The following MYT1 variants were observed in gnomAD, a reference collection of about 807,000 sequenced individuals.
MYT1 encodes myelin transcription factor 1.
MYT1 carries 23 observed loss-of-function variants against 123.0 expected under a neutral mutation model. That is an observed-to-expected ratio of 0.19 (90% CI 0.13 to 0.26). The LOEUF (loss-of-function observed/expected upper bound fraction) is 0.26, where lower values mean the gene tolerates loss of function less well. Ranked by LOEUF, MYT1 falls within the 10% of genes least tolerant of loss-of-function variation. The pLI is 1.00. For missense variants in MYT1, 1,125 were observed against 1,472.5 expected (o/e 0.76, Z 3.86); for synonymous variants, 518 against 575.3 (o/e 0.90, Z 1.43).
At chr20:64,183,138 A>G (rs890416313) in intron 1 of MYT1, among the ~76,000 whole-genome samples, 1 of 152,120 alleles carries the variant, frequency 6.6e-6, no homozygotes, top group Admixed American at 6.5e-5. Flanking sequence ...GAATTGTTCA[A>G]TATGTGGTCT....
rs1435925104 is a variant in MYT1, at chr20:64,196,518, C to T, written c.1-2344C>T. ...TGCTGATTTCAAATAGCTCAGAAAC[C>T]AGTGTCCCAAGTCACCCAGCTCTTA... is the stretch of plus-strand genomic sequence containing the variant. On this transcript the variant is annotated intron_variant, in intron 2 of 22. Transcript: ENST00000328439. This position sits in a 1 kb window ranked among gnomAD's most constrained non-coding sequence, Gnocchi z 4.3. Among the ~76,000 whole-genome samples, 1 of 152,252 alleles carries T rather than the reference C, an allele frequency of 6.6e-6. No homozygotes were observed. Among genetic ancestry groups the T allele is most frequent in the Non-Finnish European group, 1.5e-5 (1 of 68,044 alleles).
intron 21 of MYT1, among the ~76,000 whole-genome samples, chr20:64,238,710 C>G (rs1453792994): frequency 2.0e-5 from 3 of 151,816 alleles, no homozygotes; most frequent in Non-Finnish European, 4.4e-5. Context: ...GCTCCCTGCT[C>G]CTCCCCTTCT....
rs1984067266 is a variant in MYT1 at position 64,223,294 on chromosome 20, C to T, written c.2463C>T (p.Leu821=). 2.5e-6 allele frequency: 4 copies of T among 1,614,216 alleles called. No homozygotes were observed. The highest frequency in any genetic ancestry group is 1.1e-5 in the South Asian group (1 of 91,088). Residue 821 remains leucine (L), a synonymous_variant, in exon 16 of 23, where the codon CTC becomes CTT. Transcript: ENST00000328439. ...ITGNYASHRS[L]SGCPLADKSL... Reference sequence around the variant, plus strand: ...TATCCCATCTCTTCTCTTTCAGCCTCTCTGGTTGCCCTCTTGCTGACAAGA... The same window carrying T: ...TATCCCATCTCTTCTCTTTCAGCCTTTCTGGTTGCCCTCTTGCTGACAAGA...
chr20:64,240,513 C>T lies in MYT1; in HGVS notation c.*65C>T. On this transcript the variant is annotated 3_prime_UTR_variant, in exon 23 of 23. Coordinates refer to ENST00000328439, the MANE Select transcript of MYT1 (RefSeq NM_004535.3). ...TTTACCTCCCTCGCCCTGCCCCGCA[C>T]CGTGGGGATGCCCAACTCACAGTGA... 6.5e-7 allele frequency: 1 copy of T among 1,527,910 alleles called. No homozygotes were observed. Among genetic ancestry groups the T allele is most frequent in the Non-Finnish European group, 8.8e-7 (1 of 1,138,436 alleles). The allele number at this position is 1,527,910 out of a possible 1,614,324, so 94.6% of individuals were successfully genotyped here.
At chr20:64,210,698 C>G (rs1601714949) in intron 7 of MYT1, among the ~76,000 whole-genome samples, 1 of 152,346 alleles carries the variant, frequency 6.6e-6, no homozygotes, top group Non-Finnish European at 1.5e-5. Flanking sequence ...AGTGACCGGC[C>G]TGGACCTGCA....
At chr20:64,172,480 C>T (rs1180532382) in intron 1 of MYT1, among the ~76,000 whole-genome samples, 1 of 152,208 alleles carries the variant, frequency 6.6e-6, no homozygotes, top group East Asian at 1.9e-4. Flanking sequence ...GTGAGATGCC[C>T]CTCCTAGTGG....
In MYT1 at chr20:64,207,817, C is replaced by T. The variant is rs746653173; in HGVS notation, c.621C>T (p.Ser207=). Residue 207 remains serine, a synonymous_variant, in exon 7 of 23, where the codon AGC becomes AGT. Transcript: ENST00000328439. ...LLQEAAEGAA[S]EEGEKGLFIQ... Reference sequence around the variant, plus strand: ...AGGAGGCTGCAGAGGGAGCTGCCAGCGAGGAGGGTGAAAAGGGCCTCTTCA... The same window carrying T: ...AGGAGGCTGCAGAGGGAGCTGCCAGTGAGGAGGGTGAAAAGGGCCTCTTCA... 13 of 1,613,508 alleles carry T rather than the reference C, an allele frequency of 8.1e-6. No individual in the cohort carries two copies. Among genetic ancestry groups the T allele is most frequent in the African/African-American group, 4.0e-5 (3 of 74,798 alleles).
intron 1 of MYT1, among the ~76,000 whole-genome samples, chr20:64,177,147 C>T (rs890768354): frequency 2.0e-5 from 3 of 152,180 alleles, no homozygotes; most frequent in Admixed American, 1.3e-4. Flanking sequence ...CAGTGAGCTG[C>T]TGTTGGAGAG....
chr20:64,235,584 G>T (rs563808974), intron 19 of MYT1, among the ~76,000 whole-genome samples: 8 of 127,608 alleles, frequency 6.3e-5, no homozygotes, highest in South Asian at 2.7e-4. Flanking sequence ...TGTGTGACCC[G>T]GGGCTGGCCA....
At chr20:64,165,361 G>A (rs985954488) in intron 1 of MYT1, among the ~76,000 whole-genome samples, 1 of 152,130 alleles carries the variant, frequency 6.6e-6, no homozygotes, top group Admixed American at 6.5e-5. Flanking sequence ...TTTTCGCTAC[G>A]TGTCCGTGCA....
At chr20:64,222,839 A>G (rs1984049629) in intron 14 of MYT1, among the ~76,000 whole-genome samples, 1 of 152,242 alleles carries the variant, frequency 6.6e-6, no homozygotes, top group South Asian at 2.1e-4. Context: ...GTGGGCACAT[A>G]CACGTGCACA....
chr20:64,219,665 CATGGGAAGGG>C, intron 12 of MYT1, 38 bp from the exon 13 acceptor site: 1 of 1,510,612 alleles, frequency 6.6e-7, no homozygotes. Flanking sequence ...AGAAGGCACA[CATGGGAAGGG>C]ATGGAATCGC....
intron 14 of MYT1, among the ~76,000 whole-genome samples, chr20:64,222,468 A>G (rs1433300757): frequency 6.6e-6 from 1 of 152,206 alleles, no homozygotes; most frequent in African/African-American, 2.4e-5. Flanking sequence ...CTTAGGGCTC[A>G]CCACCCTCAA....
At chr20:64,176,390 C>T (rs866965836) in intron 1 of MYT1, among the ~76,000 whole-genome samples, 112 of 125,364 alleles carry the variant, frequency 8.9e-4, no homozygotes, top group East Asian at 4.0e-3. Context: ...GCTTCTCCTG[C>T]AGCATCTTTC....
chr20:64,228,316 G>C (rs1984229179), intron 18 of MYT1, among the ~76,000 whole-genome samples: 1 of 152,222 alleles, frequency 6.6e-6, no homozygotes, highest in Admixed American at 6.5e-5. Flanking sequence ...GCAACCTGCA[G>C]AATTTGTCTG....
intron 19 of MYT1, among the ~76,000 whole-genome samples, chr20:64,235,930 G>A (rs559136135): frequency 5.0e-4 from 70 of 140,250 alleles, no homozygotes; most frequent in Non-Finnish European, 8.1e-4. Flanking sequence ...TGGGCTGGCC[G>A]CGGTGGGTGA....
At chr20:64,226,913 C>A (rs532900008) in intron 16 of MYT1, among the ~76,000 whole-genome samples, 1 of 152,390 alleles carries the variant, frequency 6.6e-6, no homozygotes, top group Non-Finnish European at 1.5e-5. Context: ...CATTTACCAG[C>A]CCATGGTGGC....
rs933636099 is a variant in MYT1, at chr20:64,234,200, T to C, written c.2897+1815T>C. 3.3e-5 allele frequency among the ~76,000 whole-genome samples: 5 copies of C among 152,322 alleles called. No individual in the cohort carries two copies. The East Asian group carries it at 9.6e-4, about 29-fold the overall frequency. ...CATGCTTGAGAATGCACAATTGTAA[T>C]GCATTTTTCTGCTTGAGTGTCTATA... On this transcript the variant is annotated intron_variant, in intron 19 of 22. Transcript: ENST00000328439.
At chr20:64,178,970 G>A (rs540593686) in intron 1 of MYT1, among the ~76,000 whole-genome samples, 36 of 137,700 alleles carry the variant, frequency 2.6e-4, no homozygotes, top group East Asian at 1.2e-3. Context: ...GCACTGAGCC[G>A]TTATTCGGTG....
Sources: allele counts gnomAD v4.1 joint callset (sites outside exome capture counted in the v4.1 genomes callset), GRCh38; gene constraint gnomAD v4.1.1; non-coding constraint Gnocchi (gnomAD v3.1); transcripts MANE v1.5; gene names NCBI Gene and HGNC (gene_info 2026-07-23, HGNC 2026-07-21).